The following RNF13 variants were observed in gnomAD, a reference collection of about 807,000 sequenced individuals.
RNF13 encodes E3 ubiquitin-protein ligase RNF13.
RNF13 carries 19 observed loss-of-function variants against 37.7 expected under a neutral mutation model. That is an observed-to-expected ratio of 0.50 (90% confidence interval 0.35 to 0.74). The LOEUF is 0.74. RNF13 is among the 30% of genes least tolerant of loss of function. The pLI, the probability that RNF13 is intolerant of heterozygous loss-of-function variation, is 0.01. For synonymous variants in RNF13, 144 were observed against 157.8 expected (o/e 0.91, Z 0.65); for missense variants, 375 against 453.0 (o/e 0.83, Z 1.56).
chr3:149,876,324 G>A lies in RNF13; in HGVS notation c.321+4170G>A, dbSNP rs181378608. ...AAAAATGCAGCTGCAAAGCCATCTA[G>A]GCCAGTTACCAAGACTGAAAGGACT... On this transcript the variant is annotated intron_variant, in intron 4 of 9. Coordinates refer to ENST00000392894, the MANE Select transcript of RNF13 (RefSeq NM_183381.3). 4.9e-4 allele frequency among the ~76,000 whole-genome samples: 75 copies of A among 152,272 alleles called. 1 individual carries two copies. In the East Asian group the frequency reaches 0.014, roughly 28 times the overall value.
In RNF13 at chr3:149,846,120, G is replaced by C; in HGVS notation, c.94G>C (p.Val32Leu). The C allele has an allele frequency of 6.2e-7, 1 of 1,610,396 alleles. No individual in the cohort carries two copies. The highest frequency in any genetic ancestry group is 8.5e-7 in the Non-Finnish European group (1 of 1,176,982). ...CTTTGCATTCTTAAACCTACTGCCT[G>C]TAGAAGCAGACATTTTAGCAGTAAG... ...QLFAFLNLLP[V>L]EADILAYNFE... The change falls in exon 2 of 10, where the codon GTA becomes CTA. Residue 32 changes from valine (V) to leucine (L), a missense_variant. Val to Leu is a conservative substitution (Grantham distance 32). Transcript: ENST00000392894.
At chr3:149,899,956 A>T (rs1231567270) in intron 5 of RNF13, among the ~76,000 whole-genome samples, 1 of 152,228 alleles carries the variant, frequency 6.6e-6, no homozygotes, top group Non-Finnish European at 1.5e-5. Flanking sequence ...GGGCTGGATC[A>T]TTCAAATTGT....
intron 7 of RNF13, among the ~76,000 whole-genome samples, chr3:149,914,185 CTTTTT>C (rs978015730): frequency 1.3e-5 from 2 of 151,736 alleles, no homozygotes; most frequent in African/African-American, 4.8e-5. Flanking sequence ...AACGCTATCC[CTTTTT>C]TTTATTATTA....
At chr3:149,883,933 T>A (rs534457826) in intron 4 of RNF13, among the ~76,000 whole-genome samples, 1 of 152,320 alleles carries the variant, frequency 6.6e-6, no homozygotes, top group Non-Finnish European at 1.5e-5. Context: ...CTCCCACTTA[T>A]AAGTGAGAAC....
At chr3:149,959,616 A>C (rs1211533749) in intron 8 of RNF13, among the ~76,000 whole-genome samples, 4 of 152,242 alleles carry the variant, frequency 2.6e-5, no homozygotes, top group Non-Finnish European at 5.9e-5. Flanking sequence ...AATGCTAGAG[A>C]TTTGAAGTCC....
intron 2 of RNF13, among the ~76,000 whole-genome samples, chr3:149,850,472 G>C (rs894595516): frequency 2.0e-5 from 3 of 152,130 alleles, no homozygotes; most frequent in Admixed American, 1.3e-4. Context: ...AGACAAAGCA[G>C]TTTCAAAAAG....
rs944609355 is a variant in RNF13 at position 149,942,372 on chromosome 3, T to C, written c.701-17684T>C. 2.6e-5 allele frequency among the ~76,000 whole-genome samples: 4 copies of C among 152,206 alleles called. No individual in the cohort carries two copies. In the South Asian group the frequency reaches 8.3e-4, roughly 31 times the overall value. The stretch of plus-strand genomic sequence containing the variant: ...ATTTATTTCTATCTTCTTTGATTTC[T>C]TGTGGCAGTGTTTAGTTTGTAGTGT... On this transcript the variant is annotated intron_variant, in intron 8 of 9. Transcript: ENST00000392894.
Position 149,902,094 on chromosome 3 carries a change from C to A in RNF13, c.432C>A (p.Asp144Glu). 1 of 1,486,360 alleles carries A rather than the reference C, an allele frequency of 6.7e-7. No individual in the cohort carries two copies. Among genetic ancestry groups the A allele is most frequent in the Non-Finnish European group, 9.0e-7 (1 of 1,106,724 alleles). The allele number at this position is 1,486,360 out of a possible 1,614,324, so 92.1% of individuals were successfully genotyped here. Residue 144 changes from aspartate to glutamate, a missense_variant, in exon 6 of 10, where the codon GAC becomes GAA. By Grantham distance (45) the Asp-to-Glu change is conservative. Transcript: ENST00000392894. ...SNDIEVLKKI[D>E]IPSVFIGESS... Reference sequence around the variant, plus strand: ...CAGTTGAGGTACTAAAGAAAATTGACATTCCATCTGTCTTTATTGGTGAAT... The same window carrying A: ...CAGTTGAGGTACTAAAGAAAATTGAAATTCCATCTGTCTTTATTGGTGAAT...
At chr3:149,848,783 A>G (rs1722875290) in intron 2 of RNF13, among the ~76,000 whole-genome samples, 1 of 152,092 alleles carries the variant, frequency 6.6e-6, no homozygotes, top group African/African-American at 2.4e-5. Context: ...ATTCACAGAC[A>G]ACAGTGTTTG....
chr3:149,880,910 A>G (rs895888423), intron 4 of RNF13, among the ~76,000 whole-genome samples: 2 of 152,170 alleles, frequency 1.3e-5, no homozygotes, highest in African/African-American at 2.4e-5. Context: ...TTTGACTGCA[A>G]CCCACCCACA....
chr3:149,932,622 C>CT (rs1387743545), intron 8 of RNF13, among the ~76,000 whole-genome samples: 1 of 152,208 alleles, frequency 6.6e-6, no homozygotes, highest in Non-Finnish European at 1.5e-5. Flanking sequence ...GCAGGGCAGA[C>CT]ATTAAAGTTT....
chr3:149,832,561 A>C (rs1447989065), intron 1 of RNF13, among the ~76,000 whole-genome samples: 1 of 152,150 alleles, frequency 6.6e-6, no homozygotes, highest in East Asian at 1.9e-4. Flanking sequence ...TCATTTTCTC[A>C]AAAATGAGGC....
At chr3:149,936,754 T>C (rs1719725821) in intron 8 of RNF13, among the ~76,000 whole-genome samples, 1 of 152,196 alleles carries the variant, frequency 6.6e-6, no homozygotes, top group South Asian at 2.1e-4. Flanking sequence ...GGGAAGGTCG[T>C]GGTTCCCTGT....
intron 1 of RNF13, among the ~76,000 whole-genome samples, chr3:149,820,690 G>A: frequency 6.6e-6 from 1 of 152,106 alleles, no homozygotes; most frequent in East Asian, 1.9e-4. Flanking sequence ...CCATTTTAAA[G>A]CAATAGTTCA....
chr3:149,898,318 C>A (rs1292938426), intron 5 of RNF13, among the ~76,000 whole-genome samples: 1 of 149,894 alleles, frequency 6.7e-6, no homozygotes, highest in African/African-American at 2.5e-5. Context: ...TCCTTTTTTT[C>A]TTTGATTTCT....
At chr3:149,959,064 T>C (rs1246294622) in intron 8 of RNF13, among the ~76,000 whole-genome samples, 1 of 152,218 alleles carries the variant, frequency 6.6e-6, no homozygotes, top group Non-Finnish European at 1.5e-5. Flanking sequence ...TCTTCCAAGG[T>C]TGTTACCCCG....
At chr3:149,880,340 G>A (rs1050955769) in intron 4 of RNF13, among the ~76,000 whole-genome samples, 2 of 152,062 alleles carry the variant, frequency 1.3e-5, no homozygotes, top group African/African-American at 4.8e-5. Flanking sequence ...TAAAAAATAT[G>A]AACTTAGATC....
intron 3 of RNF13, among the ~76,000 whole-genome samples, chr3:149,856,816 G>A (rs574988482): frequency 9.6e-4 from 146 of 152,228 alleles, no homozygotes; most frequent in Middle Eastern, 3.4e-3. Context: ...GTGTGATCCC[G>A]GCTCACTGCA....
chr3:149,960,787 A>C lies in RNF13; in HGVS notation c.829A>C (p.Thr277Pro). The C allele has an allele frequency of 6.2e-7, 1 of 1,614,030 alleles. No individual in the cohort carries two copies. Among genetic ancestry groups the C allele is most frequent in the East Asian group, 2.2e-5 (1 of 44,872 alleles). The change falls in exon 10 of 10, where the codon ACC (threonine) becomes CCC (proline). Residue 277 changes from threonine (T) to proline (P), a missense_variant. By Grantham distance (38) the Thr-to-Pro change is conservative (BLOSUM62 -1). Transcript: ENST00000392894. ...VDPWLTKTKKTCPVCKQKVVP... is the reference protein window; with the variant it reads ...VDPWLTKTKKPCPVCKQKVVP... ...CCCTTGGCTAACTAAAACCAAAAAA[A>C]CCTGTCCAGTGTGCAAGCAAAAAGT...
Sources: gnomAD v4.1 joint callset for allele counts (sites outside exome capture counted in the v4.1 genomes callset) on GRCh38, gnomAD v4.1.1 for gene constraint, MANE v1.5 for transcripts, NCBI Gene and HGNC (gene_info 2026-07-23, HGNC 2026-07-21) for gene names.